The following PRKAR1B variants were observed in gnomAD, a reference collection of about 807,000 sequenced individuals.
The protein encoded by PRKAR1B is protein kinase cAMP-dependent type I regulatory subunit beta.
A neutral mutation model predicts 46.5 loss-of-function variants in PRKAR1B; 22 were observed. The observed-to-expected ratio is 0.47, with a 90% CI of 0.34 to 0.68. The LOEUF (loss-of-function observed/expected upper bound fraction) is 0.68. Among genes scored for constraint, PRKAR1B ranks in the 30% least tolerant of loss-of-function variants. The probability of loss-of-function intolerance (pLI) is 0.01; values close to 1 mark genes in which losing one functional copy is unlikely to be tolerated. For missense variants in PRKAR1B, 445 were observed against 535.6 expected (o/e 0.83, Z 1.67); for synonymous variants, 259 against 217.7 (o/e 1.19, Z -1.67).
intron 4 of PRKAR1B, among the ~76,000 whole-genome samples, chr7:625,630 G>T (rs553984558): frequency 1.5e-3 from 234 of 152,262 alleles, no homozygotes; most frequent in Non-Finnish European, 2.7e-3. Flanking sequence ...AGGTCCCATG[G>T]ACAAGGGGCA....
At chr7:686,179 T>C (rs1779086053) in intron 2 of PRKAR1B, among the ~76,000 whole-genome samples, 1 of 151,998 alleles carries the variant, frequency 6.6e-6, no homozygotes. Flanking sequence ...TGGGCACCTG[T>C]AGTCCCAGCT....
intron 9 of PRKAR1B, among the ~76,000 whole-genome samples, chr7:568,673 G>A (rs9801087): frequency 0.087 from 13,300 of 152,132 alleles, 663 homozygotes; most frequent in Non-Finnish European, 0.11. Context: ...GTGGACGACC[G>A]TGGGGTGCTG....
intron 4 of PRKAR1B, among the ~76,000 whole-genome samples, chr7:663,911 C>T (rs1785757759): frequency 6.6e-6 from 1 of 152,172 alleles, no homozygotes; most frequent in Non-Finnish European, 1.5e-5. Context: ...GCGTGCAGGG[C>T]CTGGTCTCAG....
chr7:598,361 C>G (rs1290422447), intron 6 of PRKAR1B, among the ~76,000 whole-genome samples: 1 of 147,308 alleles, frequency 6.8e-6, no homozygotes, highest in Admixed American at 6.7e-5. Flanking sequence ...CACCATCGCC[C>G]TCCCTCCAGC....
At chr7:619,518 C>A (rs1467861118) in intron 4 of PRKAR1B, among the ~76,000 whole-genome samples, 1 of 152,236 alleles carries the variant, frequency 6.6e-6, no homozygotes, top group Admixed American at 6.5e-5. Context: ...CAAGGTCACA[C>A]AGCTAAGGAA....
intron 4 of PRKAR1B, among the ~76,000 whole-genome samples, chr7:616,461 A>C (rs1323199199): frequency 2.0e-5 from 3 of 152,240 alleles, no homozygotes; most frequent in Admixed American, 6.5e-5. Context: ...CAGCTGGGAA[A>C]CAGTGATGGA....
chr7:680,305 G>A (rs914930552), intron 3 of PRKAR1B, among the ~76,000 whole-genome samples: 13 of 152,082 alleles, frequency 8.5e-5, no homozygotes, highest in Admixed American at 3.9e-4. Context: ...ACCTAAGGCC[G>A]CCATGGGGCT....
intron 4 of PRKAR1B, among the ~76,000 whole-genome samples, chr7:658,440 A>T (rs1785325084): frequency 6.6e-6 from 1 of 152,108 alleles, no homozygotes; most frequent in Non-Finnish European, 1.5e-5. Context: ...GTCTCAGAAA[A>T]AAACAAAGTT....
intron 9 of PRKAR1B, among the ~76,000 whole-genome samples, chr7:573,064 G>A (rs1403233381): frequency 6.6e-6 from 1 of 152,174 alleles, no homozygotes; most frequent in Admixed American, 6.5e-5. Flanking sequence ...GTCGGTGGCC[G>A]CCCTGGACGT....
rs1231881082 is a variant in PRKAR1B, at chr7:602,266, G to A, written c.549+3927C>T. Among the ~76,000 whole-genome samples the A allele has an allele frequency of 1.4e-5, 2 of 143,374 alleles. No individual in the cohort carries two copies. Among genetic ancestry groups the A allele is most frequent in the African/African-American group, 2.6e-5 (1 of 38,364 alleles). The allele number at this position is 143,374 out of a possible 152,430, so 94.1% of individuals were successfully genotyped here. A position where few individuals can be genotyped will look rare whatever the true frequency, so the allele number is the denominator to read the frequency against. ...CTCCCACCACCCTGTCATGTATGAA[G>A]GAGTTACAGACGGCGGCGGGGGGAG... is the stretch of plus-strand genomic sequence containing the variant. On this transcript the variant is annotated intron_variant, in intron 6 of 10. Coordinates refer to ENST00000537384, the MANE Select transcript of PRKAR1B (RefSeq NM_001164760.2). The surrounding 1 kb of genome is among the most constrained non-coding windows in gnomAD (Gnocchi z 6.4).
chr7:629,357 A>C, intron 4 of PRKAR1B, among the ~76,000 whole-genome samples: 1 of 107,532 alleles, frequency 9.3e-6, no homozygotes, highest in South Asian at 3.7e-4. Context: ...CACCACCCCA[A>C]GGCTGGAAAA....
At chr7:572,784 GC>G (rs1013973948) in intron 9 of PRKAR1B, among the ~76,000 whole-genome samples, 2 of 152,218 alleles carry the variant, frequency 1.3e-5, no homozygotes, top group Non-Finnish European at 1.5e-5. Flanking sequence ...GAGCTCCGTG[GC>G]CCTACAGGGA....
chr7:651,675 T>A, intron 4 of PRKAR1B, among the ~76,000 whole-genome samples: 1 of 149,840 alleles, frequency 6.7e-6, no homozygotes, highest in Admixed American at 6.6e-5. Context: ...CGGAACACAG[T>A]TCACACCCAC....
At chr7:693,435 C>A (rs1018577733) in intron 2 of PRKAR1B, among the ~76,000 whole-genome samples, 6 of 151,962 alleles carry the variant, frequency 3.9e-5, no homozygotes, top group Non-Finnish European at 8.8e-5. Context: ...CCCCGACAGC[C>A]CCGAATCGAC....
intron 1 of PRKAR1B, among the ~76,000 whole-genome samples, chr7:720,027 C>T (rs1329327926): frequency 6.7e-6 from 1 of 148,340 alleles, no homozygotes; most frequent in Non-Finnish European, 1.5e-5. Flanking sequence ...CCATTATTGT[C>T]AGAGAAGGCG....
chr7:700,701 G>A (rs555933159), intron 2 of PRKAR1B, among the ~76,000 whole-genome samples: 197 of 151,868 alleles, frequency 1.3e-3, no homozygotes, highest in Middle Eastern at 3.4e-3. Flanking sequence ...AGGAGAAGGA[G>A]AACAGGAGGA....
At chr7:692,618 T>A (rs889793112) in intron 2 of PRKAR1B, among the ~76,000 whole-genome samples, 4 of 152,068 alleles carry the variant, frequency 2.6e-5, no homozygotes, top group Non-Finnish European at 5.9e-5. Flanking sequence ...CTGACGGCAG[T>A]GCAAATTGTT....
chr7:579,689 C>T (rs1179991575), intron 8 of PRKAR1B, among the ~76,000 whole-genome samples: 2 of 152,260 alleles, frequency 1.3e-5, no homozygotes, highest in Admixed American at 6.5e-5. Context: ...TGAAAACTGA[C>T]TCCAGGTTAA....
chr7:675,861 G>A (rs1222371070), intron 4 of PRKAR1B, among the ~76,000 whole-genome samples: 1 of 152,078 alleles, frequency 6.6e-6, no homozygotes, highest in African/African-American at 2.4e-5. Flanking sequence ...CAGGAGAATC[G>A]CTTGAACCCA....
Sources: gnomAD v4.1 joint callset for allele counts (sites outside exome capture counted in the v4.1 genomes callset) on GRCh38, gnomAD v4.1.1 for gene constraint, Gnocchi (gnomAD v3.1) non-coding constraint, MANE v1.5 for transcripts, NCBI Gene and HGNC (gene_info 2026-07-23, HGNC 2026-07-21) for gene names.